ERP44: variants seen among roughly 807,000 people sequenced by gnomAD.
ERP44 encodes the protein endoplasmic reticulum protein 44.
Under a neutral mutation model 53.4 loss-of-function variants are expected in ERP44, and 25 were observed. That is an observed-to-expected ratio of 0.47 (90% CI 0.34 to 0.65). The LOEUF is 0.65. Ranked by LOEUF, ERP44 falls within the 30% of genes least tolerant of loss-of-function variation. The pLI, the probability that ERP44 is intolerant of heterozygous loss-of-function variation, is 0.01. For synonymous variants in ERP44, 145 were observed against 161.2 expected, an observed-to-expected ratio of 0.90 and a Z score of 0.76; for missense variants, 338 against 493.2, an observed-to-expected ratio of 0.69 and a Z score of 2.98.
At chr9:100,027,534 A>T (rs1046657263) in intron 4 of ERP44, among the ~76,000 whole-genome samples, 2 of 152,232 alleles carry the variant, frequency 1.3e-5, no homozygotes, top group Non-Finnish European at 2.9e-5. Context: ...CTTAAGGGGT[A>T]TAATAAATGG....
chr9:99,991,346 C>T (rs1429756583), intron 10 of ERP44, among the ~76,000 whole-genome samples: 1 of 151,786 alleles, frequency 6.6e-6, no homozygotes. Context: ...TAAATTAGAA[C>T]TCAGGATTAA....
chr9:100,049,705 A>G (rs983281128), intron 4 of ERP44, among the ~76,000 whole-genome samples: 7 of 152,202 alleles, frequency 4.6e-5, no homozygotes, highest in African/African-American at 7.2e-5. Context: ...ATAGTTTGGC[A>G]GTTTCTTAAA....
At chr9:99,994,469 G>A (rs1830288738) in intron 10 of ERP44, among the ~76,000 whole-genome samples, 1 of 152,074 alleles carries the variant, frequency 6.6e-6, no homozygotes, top group Non-Finnish European at 1.5e-5. Flanking sequence ...ACTTGGACAT[G>A]GGGCAGGGAA....
intron 1 of ERP44, among the ~76,000 whole-genome samples, chr9:100,076,063 G>T (rs1050245022): frequency 6.6e-6 from 1 of 152,190 alleles, no homozygotes; most frequent in Non-Finnish European, 1.5e-5. Flanking sequence ...GCCATCTTCT[G>T]CAGATAACTA....
intron 2 of ERP44, among the ~76,000 whole-genome samples, chr9:100,059,803 G>T (rs1405656742): frequency 6.6e-6 from 1 of 152,186 alleles, no homozygotes; most frequent in Non-Finnish European, 1.5e-5. Flanking sequence ...AGTCTAGGCT[G>T]TGTCCTAAGG....
intron 4 of ERP44, among the ~76,000 whole-genome samples, chr9:100,024,152 T>TCAACAA (rs35674225): frequency 0.034 from 5,064 of 149,404 alleles, 118 homozygotes; most frequent in East Asian, 0.12. Flanking sequence ...AAACCCTGAC[T>TCAACAA]CAACAACAAC....
At chr9:100,098,191 A>G (rs141308622) in intron 1 of ERP44, among the ~76,000 whole-genome samples, 66 of 152,286 alleles carry the variant, frequency 4.3e-4, no homozygotes, top group African/African-American at 1.4e-3. Flanking sequence ...ATACGTTGCA[A>G]TAAGATTTGA....
At chr9:99,995,001 G>A (rs1004332523) in intron 10 of ERP44, among the ~76,000 whole-genome samples, 4 of 151,998 alleles carry the variant, frequency 2.6e-5, no homozygotes, top group African/African-American at 9.7e-5. Flanking sequence ...TATTTTGGTT[G>A]TCTTGGATTT....
chr9:100,060,776 T>A (rs971431946), intron 1 of ERP44, among the ~76,000 whole-genome samples: 1 of 152,220 alleles, frequency 6.6e-6, no homozygotes, highest in Non-Finnish European at 1.5e-5. Context: ...TAGCCTCCCA[T>A]CTACAAAACA....
intron 4 of ERP44, among the ~76,000 whole-genome samples, chr9:100,046,319 A>G (rs1825969022): frequency 6.8e-6 from 1 of 147,482 alleles, no homozygotes; most frequent in Non-Finnish European, 1.5e-5. Flanking sequence ...GATACTCTAG[A>G]ACAACAACAA....
intron 10 of ERP44, among the ~76,000 whole-genome samples, chr9:100,000,154 G>A (rs530674039): frequency 1.0e-3 from 153 of 152,102 alleles, no homozygotes; most frequent in African/African-American, 3.4e-3. Context: ...CTCCCAGGCC[G>A]GTGCAGTGGC....
chr9:100,080,740 T>C (rs912569173), intron 1 of ERP44, among the ~76,000 whole-genome samples: 6 of 152,046 alleles, frequency 3.9e-5, no homozygotes, highest in South Asian at 2.1e-4. Flanking sequence ...TAGTGCCTCA[T>C]TGGAAGATAA....
At chr9:100,003,669 A>C (rs1830401021) in intron 10 of ERP44, among the ~76,000 whole-genome samples, 1 of 151,858 alleles carries the variant, frequency 6.6e-6, no homozygotes, top group African/African-American at 2.4e-5. Flanking sequence ...TGCATCTAAG[A>C]GGGTGGGTCT....
At position 100,016,379 on chromosome 9, in the gene ERP44, A is replaced by T; in HGVS notation, c.705T>A (p.Asn235Lys). 1 of 1,612,764 alleles carries T rather than the reference A, an allele frequency of 6.2e-7. No homozygotes were observed. Among genetic ancestry groups the T allele is most frequent in the South Asian group, 1.1e-5 (1 of 90,686 alleles). Reference protein sequence around the residue: ...GAMTNFDVTYNWIQDKCVPLV... With the variant: ...GAMTNFDVTYKWIQDKCVPLV... ...GAGGAACACATTTATCTTGAATCCAATTGTAAGTCACATCAAAATTTGTCA... is the reference window on the plus strand; with the variant it reads ...GAGGAACACATTTATCTTGAATCCATTTGTAAGTCACATCAAAATTTGTCA... Residue 235 changes from asparagine (N) to lysine (K), a missense_variant, in exon 8 of 12, where the codon AAT becomes AAA. Physicochemically the swap from Asn to Lys is moderately conservative, Grantham distance 94. Transcript: ENST00000262455.
intron 1 of ERP44, among the ~76,000 whole-genome samples, chr9:100,063,620 C>A (rs979723263): frequency 6.6e-6 from 1 of 152,038 alleles, no homozygotes; most frequent in Admixed American, 6.6e-5. Context: ...TTGAATAAAA[C>A]TTTTAAATTT....
At chr9:100,070,642 A>G (rs987995911) in intron 1 of ERP44, among the ~76,000 whole-genome samples, 6 of 152,266 alleles carry the variant, frequency 3.9e-5, no homozygotes, top group Non-Finnish European at 8.8e-5. Context: ...ATGGGATGCA[A>G]TACGAAACAG....
intron 1 of ERP44, among the ~76,000 whole-genome samples, chr9:100,080,718 T>C (rs932932917): frequency 6.6e-6 from 1 of 152,150 alleles, no homozygotes; most frequent in Admixed American, 6.5e-5. Context: ...ATCCTGGCTA[T>C]GGAAGTTCAT....
chr9:100,016,183 GA>G, intron 8 of ERP44, 138 bp downstream of exon 8: 1 of 1,313,880 alleles, frequency 7.6e-7, no homozygotes, highest in Middle Eastern at 2.4e-4. Context: ...GTATATTACA[GA>G]AACAGCTATG....
intron 1 of ERP44, among the ~76,000 whole-genome samples, chr9:100,074,404 G>T (rs1399927556): frequency 2.0e-5 from 3 of 152,116 alleles, no homozygotes; most frequent in Non-Finnish European, 4.4e-5. Context: ...ATTAATCACG[G>T]TGTTCCTAGG....
Sources: gnomAD v4.1 joint callset for allele counts (sites outside exome capture counted in the v4.1 genomes callset) on GRCh38, gnomAD v4.1.1 for gene constraint, MANE v1.5 for transcripts, NCBI Gene and HGNC (gene_info 2026-07-23, HGNC 2026-07-21) for gene names.